Variants in SGCZ observed in about 807,000 individuals in gnomAD.
SGCZ encodes sarcoglycan zeta, also known as zeta-sarcoglycan.
SGCZ carries 40 observed loss-of-function variants against 41.3 expected under a neutral mutation model. That is an observed-to-expected ratio of 0.97 (90% CI 0.75 to 1.26). SGCZ has a LOEUF of 1.26. Ranked by LOEUF, SGCZ falls within the 50% of genes most tolerant of loss-of-function variation. The pLI, the probability that SGCZ is intolerant of heterozygous loss-of-function variation, is 0.00. For missense variants in SGCZ, 552 were observed against 369.8 expected (o/e 1.49, Z -4.04); for synonymous variants, 206 against 137.5 (o/e 1.50, Z -3.49).
At chr8:14,949,418 C>T (rs1446620489) in intron 1 of SGCZ, among the ~76,000 whole-genome samples, 1 of 152,118 alleles carries the variant, frequency 6.6e-6, no homozygotes, top group Non-Finnish European at 1.5e-5. Context: ...AAAACCTTCA[C>T]TCTATGGACA....
At chr8:14,202,247 C>G (rs1563182856) in intron 4 of SGCZ, among the ~76,000 whole-genome samples, 1 of 152,018 alleles carries the variant, frequency 6.6e-6, no homozygotes, top group East Asian at 1.9e-4. Flanking sequence ...CAGTCACGGG[C>G]CAAGGGGTAA....
intron 3 of SGCZ, among the ~76,000 whole-genome samples, chr8:14,283,784 C>T (rs1800529126): frequency 6.6e-6 from 1 of 152,266 alleles, no homozygotes; most frequent in East Asian, 1.9e-4. Context: ...ACTGCAATGG[C>T]ACAACAGCAG....
At chr8:14,237,825 T>G in intron 3 of SGCZ, 146 bp from the exon 4 acceptor site, 3 of 629,712 alleles carry the variant, frequency 4.8e-6, no homozygotes, top group Admixed American at 5.9e-5. Context: ...CAATCATTGG[T>G]GGACAATGTA....
Position 14,847,124 on chromosome 8 carries a change from A to AG in SGCZ, c.40-292199dup, listed in dbSNP as rs1167796883. ...GAAGAAAGAAGAAAGAAGAAGAAGAAGAAAGAAGAAGAAGAAGAAGAAGAA... is the reference window on the plus strand; with the variant it reads ...GAAGAAAGAAGAAAGAAGAAGAAGAAGGAAAGAAGAAGAAGAAGAAGAAGAA... On this transcript the variant is annotated intron_variant, in intron 1 of 7. Transcript: ENST00000382080. Among the ~76,000 whole-genome samples, 15 of 107,108 alleles carry AG rather than the reference A, an allele frequency of 1.4e-4. No homozygotes were observed. The East Asian group carries it at 3.9e-3, about 28-fold the overall frequency. 70.3% of individuals were successfully genotyped at this position (107,108 alleles called of 152,430 possible).
At chr8:14,223,594 T>A (rs1259802162) in intron 4 of SGCZ, among the ~76,000 whole-genome samples, 1 of 152,124 alleles carries the variant, frequency 6.6e-6, no homozygotes, top group Non-Finnish European at 1.5e-5. Flanking sequence ...GGAATAAATA[T>A]AAAACTTCAA....
At chr8:14,414,266 C>T (rs867054121) in intron 2 of SGCZ, among the ~76,000 whole-genome samples, 45 of 151,810 alleles carry the variant, frequency 3.0e-4, no homozygotes, top group African/African-American at 9.7e-4. Context: ...TTTTATATTC[C>T]TAATTCATTA....
At chr8:14,692,406 T>G (rs1305145776) in intron 1 of SGCZ, among the ~76,000 whole-genome samples, 4 of 152,116 alleles carry the variant, frequency 2.6e-5, no homozygotes, top group Non-Finnish European at 5.9e-5. Flanking sequence ...CAGAGAAGTT[T>G]ATTTTATATA....
intron 1 of SGCZ, among the ~76,000 whole-genome samples, chr8:14,613,750 G>C (rs1563153772): frequency 6.6e-6 from 1 of 152,068 alleles, no homozygotes; most frequent in Admixed American, 6.6e-5. Context: ...TTATGGAGAG[G>C]GTTACAGGAA....
intron 1 of SGCZ, among the ~76,000 whole-genome samples, chr8:14,632,497 C>A (rs1261759762): frequency 6.6e-6 from 1 of 152,024 alleles, no homozygotes; most frequent in East Asian, 1.9e-4. Flanking sequence ...ATGGCTTCAA[C>A]AAAATACACT....
chr8:15,168,601 C>T (rs570551696), intron 1 of SGCZ, among the ~76,000 whole-genome samples: 4 of 152,188 alleles, frequency 2.6e-5, no homozygotes, highest in Non-Finnish European at 5.9e-5. Context: ...ATCACTTACC[C>T]CCGGTATCTG....
At chr8:14,866,481 T>C (rs116373520) in intron 1 of SGCZ, among the ~76,000 whole-genome samples, 3,594 of 152,216 alleles carry the variant, frequency 0.024, 52 homozygotes, top group Middle Eastern at 0.048. Flanking sequence ...TATGGTGCTC[T>C]TCTTTACAAA....
chr8:14,658,865 G>T (rs1415856823), intron 1 of SGCZ, among the ~76,000 whole-genome samples: 2 of 149,270 alleles, frequency 1.3e-5, no homozygotes, highest in Non-Finnish European at 3.0e-5. Context: ...AAGGAGGGAA[G>T]GAAAAAAAGA....
intron 1 of SGCZ, among the ~76,000 whole-genome samples, chr8:14,642,498 T>C (rs978703962): frequency 6.6e-6 from 1 of 151,302 alleles, no homozygotes; most frequent in African/African-American, 2.4e-5. Flanking sequence ...AGTTACAATA[T>C]GTAAGGTATC....
intron 2 of SGCZ, among the ~76,000 whole-genome samples, chr8:14,490,464 C>A (rs1390845853): frequency 1.3e-5 from 2 of 152,076 alleles, no homozygotes; most frequent in African/African-American, 2.4e-5. Context: ...TCAAAGCATT[C>A]AAAAATGAAC....
chr8:14,606,120 G>A (rs1474966611), intron 1 of SGCZ, among the ~76,000 whole-genome samples: 1 of 151,548 alleles, frequency 6.6e-6, no homozygotes, highest in Non-Finnish European at 1.5e-5. Context: ...TACCACCGAG[G>A]AACAATGTAT....
intron 1 of SGCZ, among the ~76,000 whole-genome samples, chr8:14,979,211 C>G (rs1280223031): frequency 6.6e-6 from 1 of 152,186 alleles, no homozygotes; most frequent in African/African-American, 2.4e-5. Context: ...CATATCATCT[C>G]AGGTAACATC....
At position 14,464,378 on chromosome 8, in the gene SGCZ, C is replaced by T. The variant is rs377378972; in HGVS notation, c.234+90354G>A. Among the ~76,000 whole-genome samples the T allele has an allele frequency of 1.3e-4, 20 of 151,312 alleles. 1 individual carries two copies. Among genetic ancestry groups the T allele is most frequent in the African/African-American group, 4.8e-4 (20 of 41,388 alleles). On this transcript the variant is annotated intron_variant, in intron 2 of 7. Coordinates refer to ENST00000382080, the MANE Select transcript of SGCZ (RefSeq NM_139167.4). ...AGTTGTCCATTTCATTAAGGTTATC[C>T]AATTTTTAGTTCACAGTTGCATGTA...
intron 3 of SGCZ, among the ~76,000 whole-genome samples, chr8:14,314,724 G>T (rs555279666): frequency 2.3e-4 from 35 of 152,202 alleles, no homozygotes; most frequent in African/African-American, 7.0e-4. Context: ...TTTGCATAAA[G>T]ATTTAATTTA....
chr8:14,328,794 T>G (rs1369433329), intron 2 of SGCZ, among the ~76,000 whole-genome samples: 1 of 152,194 alleles, frequency 6.6e-6, no homozygotes, highest in African/African-American at 2.4e-5. Flanking sequence ...GTGGAGGCTT[T>G]AAGACATTAT....
Sources: gnomAD v4.1 joint callset for allele counts (sites outside exome capture counted in the v4.1 genomes callset) on GRCh38, gnomAD v4.1.1 for gene constraint, MANE v1.5 for transcripts, NCBI Gene and HGNC (gene_info 2026-07-23, HGNC 2026-07-21) for gene names.